The following FGFR2 variants were observed in gnomAD, a reference collection of about 807,000 sequenced individuals.
FGFR2 encodes the protein fibroblast growth factor receptor 2.
Under a neutral mutation model 95.9 loss-of-function variants are expected in FGFR2, and 19 were observed. That is an observed-to-expected ratio of 0.20 (90% CI 0.14 to 0.29). The LOEUF is 0.29. Among genes scored for constraint, FGFR2 ranks in the 10% least tolerant of loss-of-function variants. The pLI is 1.00. For missense variants in FGFR2, 707 were observed against 1,056.9 expected (o/e 0.67, Z 4.59); for synonymous variants, 392 against 393.3 (o/e 1.00, Z 0.04).
chr10:121,580,768 A>C (rs1160972917), intron 2 of FGFR2, among the ~76,000 whole-genome samples: 2 of 152,200 alleles, frequency 1.3e-5, no homozygotes, highest in Non-Finnish European at 2.9e-5. Context: ...CGGCGCCATC[A>C]CAGTTAACCT....
At chr10:121,540,667 C>T (rs1325361121) in intron 5 of FGFR2, among the ~76,000 whole-genome samples, 1 of 152,152 alleles carries the variant, frequency 6.6e-6, no homozygotes, top group African/African-American at 2.4e-5. Context: ...CTACGGGGAA[C>T]CAGTCATGTG....
At chr10:121,552,400 A>C (rs41302319) in intron 4 of FGFR2, among the ~76,000 whole-genome samples, 2 of 152,218 alleles carry the variant, frequency 1.3e-5, no homozygotes, top group Non-Finnish European at 2.9e-5. Context: ...ACATGTCAAC[A>C]CATTAATCTT....
At chr10:121,533,306 C>G (rs1564941340) in intron 6 of FGFR2, among the ~76,000 whole-genome samples, 1 of 152,188 alleles carries the variant, frequency 6.6e-6, no homozygotes, top group Admixed American at 6.5e-5. Flanking sequence ...AGGAGAATCA[C>G]TTGAACCTGG....
intron 4 of FGFR2, among the ~76,000 whole-genome samples, chr10:121,559,723 G>A (rs953140064): frequency 6.6e-6 from 1 of 152,226 alleles, no homozygotes; most frequent in Non-Finnish European, 1.5e-5. Flanking sequence ...CTTGCAAGGT[G>A]AAGGCATGGC....
chr10:121,481,840 A>ATT (rs1206908851), intron 17 of FGFR2: 35 of 173,834 alleles, frequency 2.0e-4, no homozygotes, highest in Middle Eastern at 2.1e-3. Context: ...TTTTATTTTT[A>ATT]TTTTTTTTTT....
intron 6 of FGFR2, among the ~76,000 whole-genome samples, chr10:121,528,227 A>G (rs1474344306): frequency 2.0e-5 from 3 of 152,244 alleles, no homozygotes; most frequent in African/African-American, 7.2e-5. Context: ...CCAGTTAACC[A>G]ACCTTTACAA....
At chr10:121,481,419 CACAA>C (rs758869979) in intron 17 of FGFR2, among the ~76,000 whole-genome samples, 5 of 122,398 alleles carry the variant, frequency 4.1e-5, no homozygotes, top group East Asian at 2.6e-4. Context: ...CACACACACA[CACAA>C]AACCCTCTAA....
At chr10:121,578,405 C>T (rs865907672) in intron 2 of FGFR2, among the ~76,000 whole-genome samples, 1 of 152,166 alleles carries the variant, frequency 6.6e-6, no homozygotes, top group Non-Finnish European at 1.5e-5. Context: ...GTGAAAATCC[C>T]GATTCCCATT....
Position 121,598,096 on chromosome 10 carries a change from G to C in FGFR2, c.-285C>G, listed in dbSNP as rs1412807409. 1 of 398,202 alleles carries C rather than the reference G, an allele frequency of 2.5e-6. No individual in the cohort carries two copies. Among genetic ancestry groups the C allele is most frequent in the Non-Finnish European group, 4.4e-6 (1 of 225,850 alleles). The allele number at this position is 398,202 out of a possible 1,614,324, so 24.7% of individuals were successfully genotyped here. On this transcript the variant is annotated 5_prime_UTR_variant, in exon 1 of 18. Transcript: ENST00000358487. The stretch of plus-strand genomic sequence containing the variant: ...GAGTGGTCCTTGGGTCTTCGCCGGC[G>C]CCAAGCCTCCCGGGCTTCACGCGTA...
chr10:121,572,845 C>A (rs182480087), intron 2 of FGFR2, among the ~76,000 whole-genome samples: 3 of 152,296 alleles, frequency 2.0e-5, no homozygotes, highest in Admixed American at 2.0e-4. Flanking sequence ...CACAGAGTGC[C>A]ACTAGCCACA....
chr10:121,558,315 T>C (rs1469849627), intron 4 of FGFR2, among the ~76,000 whole-genome samples: 5 of 152,236 alleles, frequency 3.3e-5, no homozygotes, highest in Admixed American at 2.6e-4. Flanking sequence ...ATTTCAAAAA[T>C]TAGCATATGA....
At chr10:121,596,172 T>G (rs1328239742) in intron 1 of FGFR2, among the ~76,000 whole-genome samples, 1 of 152,176 alleles carries the variant, frequency 6.6e-6, no homozygotes, top group Non-Finnish European at 1.5e-5. Flanking sequence ...AAGGGAACTC[T>G]CTTCTCAGCC....
intron 6 of FGFR2, among the ~76,000 whole-genome samples, chr10:121,529,206 T>G (rs1418718332): frequency 3.3e-5 from 5 of 152,232 alleles, no homozygotes; most frequent in African/African-American, 1.2e-4. Flanking sequence ...CCTCCCACGT[T>G]CAAGTGATTC....
intron 2 of FGFR2, among the ~76,000 whole-genome samples, chr10:121,590,989 GCACACACA>G (rs746045068): frequency 1.3e-5 from 2 of 148,736 alleles, no homozygotes; most frequent in African/African-American, 5.0e-5. Context: ...GCGCACTCGC[GCACACACA>G]CACACACACG....
rs776270949 is a variant in FGFR2, at chr10:121,483,844, T to C, written c.2196-41A>G. ...TTCCTTGAATTAATTTCATATGCAC[T>C]GGGTACGTGGTTATAGTCAGTTTTA... is the stretch of plus-strand genomic sequence containing the variant. On this transcript the variant is annotated intron_variant, in intron 16 of 17. Transcript: ENST00000358487. 3.0e-5 allele frequency: 44 copies of C among 1,457,814 alleles called. No homozygotes were observed. The Middle Eastern group carries it at 8.6e-4, about 28-fold the overall frequency. The allele number at this position is 1,457,814 out of a possible 1,614,324, so 90.3% of individuals were successfully genotyped here.
intron 4 of FGFR2, among the ~76,000 whole-genome samples, chr10:121,562,184 T>C (rs1857080271): frequency 6.6e-6 from 1 of 152,128 alleles, no homozygotes; most frequent in South Asian, 2.1e-4. Context: ...CCTTAACATT[T>C]ACCCAAAGTA....
At chr10:121,559,376 T>C (rs1856633830) in intron 4 of FGFR2, among the ~76,000 whole-genome samples, 1 of 152,162 alleles carries the variant, frequency 6.6e-6, no homozygotes, top group African/African-American at 2.4e-5. Flanking sequence ...GGCAAAAAAT[T>C]GTTTTAATGG....
intron 2 of FGFR2, among the ~76,000 whole-genome samples, chr10:121,580,537 T>C (rs1258831223): frequency 6.6e-6 from 1 of 152,110 alleles, no homozygotes; most frequent in Non-Finnish European, 1.5e-5. Flanking sequence ...AGCAATCAGC[T>C]GAATGGGAAT....
intron 10 of FGFR2, among the ~76,000 whole-genome samples, chr10:121,502,872 C>T (rs1307264994): frequency 2.0e-5 from 3 of 152,152 alleles, no homozygotes; most frequent in Admixed American, 6.5e-5. Context: ...ATCTAGGGGT[C>T]GGTCCCTGCC....
Sources: allele counts gnomAD v4.1 joint callset (sites outside exome capture counted in the v4.1 genomes callset), GRCh38; gene constraint gnomAD v4.1.1; transcripts MANE v1.5; gene names NCBI Gene and HGNC (gene_info 2026-07-23, HGNC 2026-07-21).